SNRPN: variants seen among roughly 807,000 people sequenced by gnomAD.
SNRPN encodes the protein small nuclear ribonucleoprotein-associated protein N.
A neutral mutation model predicts 25.2 loss-of-function variants in SNRPN; 7 were observed. That is an observed-to-expected ratio of 0.28 (90% CI 0.16 to 0.52). SNRPN has a LOEUF of 0.52. SNRPN is among the 20% of genes least tolerant of loss of function. The pLI is 0.96. For synonymous variants in SNRPN, 124 were observed against 110.6 expected (o/e 1.12, Z -0.76); for missense variants, 196 against 322.5 (o/e 0.61, Z 3.00).
At chr15:24,905,554 G>A (rs940614869) in intron 2 of SNRPN, among the ~76,000 whole-genome samples, 3 of 151,492 alleles carry the variant, frequency 2.0e-5, no homozygotes, top group Non-Finnish European at 4.4e-5. Flanking sequence ...AATAATGTTA[G>A]TCAATTTTTT....
intron 3 of SNRPN, among the ~76,000 whole-genome samples, chr15:24,973,501 G>T (rs1355608587): frequency 6.6e-6 from 1 of 152,066 alleles, no homozygotes; most frequent in African/African-American, 2.4e-5. Flanking sequence ...AGGTTCAAGC[G>T]ATTCTCCTAC....
chr15:24,847,740 T>G (rs532297718), intron 2 of SNRPN, among the ~76,000 whole-genome samples: 1 of 152,314 alleles, frequency 6.6e-6, no homozygotes, highest in Non-Finnish European at 1.5e-5. Flanking sequence ...CCACTTTTCC[T>G]GTCATTTAAC....
chr15:24,958,486 G>GTTTTTTTTTT (rs71127030), intron 1 of SNRPN, among the ~76,000 whole-genome samples: 4 of 65,298 alleles, frequency 6.1e-5, no homozygotes, highest in Non-Finnish European at 1.1e-4. Context: ...CTGGCTCAAA[G>GTTTTTTTTTT]TTTTTTTTTT....
At chr15:24,955,121 A>G in intron 1 of SNRPN, 59 bp downstream of exon 1, 6 of 1,610,650 alleles carry the variant, frequency 3.7e-6, no homozygotes, top group Non-Finnish European at 4.2e-6. Context: ...ACTTTTATTC[A>G]TCAGATATTC....
At chr15:24,893,163 G>A (rs1246351886) in intron 2 of SNRPN, among the ~76,000 whole-genome samples, 7 of 152,056 alleles carry the variant, frequency 4.6e-5, no homozygotes, top group Admixed American at 1.3e-4. Flanking sequence ...AGCCGAAATC[G>A]AGCCACTGCA....
rs2056539873 is a variant in SNRPN, at chr15:24,881,081, G to A, written c.-578-5435G>A. 2.6e-5 allele frequency among the ~76,000 whole-genome samples: 4 copies of A among 152,284 alleles called. No individual in the cohort carries two copies. The South Asian group carries it at 8.3e-4, about 32-fold the overall frequency. ...CTTTTATGAACTAAAAAAAAATTGA[G>A]CCTCCACAGGGCAAGTCCTCTGCTG... On this transcript the variant is annotated intron_variant, in intron 1 of 11. Transcript: ENST00000400097.
chr15:24,905,991 T>C (rs2058776033), intron 2 of SNRPN, among the ~76,000 whole-genome samples: 2 of 152,064 alleles, frequency 1.3e-5, no homozygotes, highest in Non-Finnish European at 1.5e-5. Flanking sequence ...GGTTAACGAG[T>C]GAGACTCCTA....
At chr15:24,961,658 G>A (rs1411697003) in intron 1 of SNRPN, among the ~76,000 whole-genome samples, 6 of 152,058 alleles carry the variant, frequency 3.9e-5, no homozygotes, top group Admixed American at 3.9e-4. Flanking sequence ...TTTTAAAGTA[G>A]ATATTTTATA....
intron 3 of SNRPN, among the ~76,000 whole-genome samples, chr15:24,928,238 C>T (rs1001805522): frequency 1.3e-5 from 2 of 151,976 alleles, no homozygotes; most frequent in African/African-American, 2.4e-5. Context: ...AGTATTTATC[C>T]AAAGTTAAAT....
At chr15:24,962,305 T>C in intron 2 of SNRPN, 96 bp downstream of exon 2, 2 of 980,690 alleles carry the variant, frequency 2.0e-6, no homozygotes, top group Non-Finnish European at 3.2e-6. Context: ...ATGAACATAA[T>C]TGAAGAAGCA....
At chr15:24,912,936 G>GTATT in intron 2 of SNRPN, among the ~76,000 whole-genome samples, 1 of 152,116 alleles carries the variant, frequency 6.6e-6, no homozygotes, top group Non-Finnish European at 1.5e-5. Context: ...TCATTATCAG[G>GTATT]TATTTATTTA....
At chr15:24,969,202 C>T (rs1431416561) in intron 3 of SNRPN, among the ~76,000 whole-genome samples, 1 of 152,118 alleles carries the variant, frequency 6.6e-6, no homozygotes, top group Non-Finnish European at 1.5e-5. Context: ...GGTTTCGGCT[C>T]ACTGCAACCT....
chr15:24,937,949 ACTTC>A (rs1259082794), intron 3 of SNRPN, among the ~76,000 whole-genome samples: 11 of 152,180 alleles, frequency 7.2e-5, no homozygotes, highest in East Asian at 3.9e-4. Context: ...ATCAGAATGT[ACTTC>A]CTTTTTGAGG....
chr15:24,896,183 T>C (rs1417064028), intron 2 of SNRPN, among the ~76,000 whole-genome samples: 2 of 152,136 alleles, frequency 1.3e-5, no homozygotes, highest in Non-Finnish European at 2.9e-5. Flanking sequence ...TGATGGGAGA[T>C]ATGATGTGGC....
At chr15:24,961,693 A>G (rs898546784) in intron 1 of SNRPN, among the ~76,000 whole-genome samples, 6 of 152,204 alleles carry the variant, frequency 3.9e-5, no homozygotes, top group African/African-American at 1.4e-4. Context: ...CTATTCCACT[A>G]TATAAGTATG....
upstream of SNRPN, among the ~76,000 whole-genome samples, chr15:24,951,747 A>G (rs1453577963): frequency 2.0e-5 from 3 of 152,156 alleles, no homozygotes; most frequent in Non-Finnish European, 4.4e-5. Flanking sequence ...GCCTCAAGTG[A>G]TCTGCCTGCC....
At chr15:24,946,728 C>A (rs900814233) in intron 3 of SNRPN, among the ~76,000 whole-genome samples, 2 of 152,236 alleles carry the variant, frequency 1.3e-5, no homozygotes, top group African/African-American at 4.8e-5. Context: ...CTCAGCCTCC[C>A]AAAATATTGG....
intron 3 of SNRPN, 173 bp downstream of exon 3, chr15:24,968,255 A>G (rs1566966923): frequency 1.9e-6 from 1 of 519,560 alleles, no homozygotes; most frequent in African/African-American, 1.9e-5. Flanking sequence ...CTGCCCTGAC[A>G]CTTTCGTCAT....
chr15:24,942,271 C>G (rs2061602211), intron 3 of SNRPN: 1 of 152,160 alleles, frequency 6.6e-6, no homozygotes, highest in Non-Finnish European at 1.5e-5. Context: ...CTTTTGGTTT[C>G]TAGACTTGTC....
Sources: gnomAD v4.1 joint callset for allele counts (sites outside exome capture counted in the v4.1 genomes callset) on GRCh38, gnomAD v4.1.1 for gene constraint, MANE v1.5 for transcripts, NCBI Gene and HGNC (gene_info 2026-07-23, HGNC 2026-07-21) for gene names.